Variants in FARP2 observed in about 807,000 individuals in gnomAD.
The protein encoded by FARP2 is FERM, ARHGEF and pleckstrin domain-containing protein 2.
FARP2 carries 111 observed loss-of-function variants against 130.5 expected under a neutral mutation model. The ratio of observed to expected loss-of-function variants is 0.85; its 90% CI spans 0.73 to 1.00. The LOEUF is 1.00. Among genes scored for constraint, FARP2 ranks in the 50% least tolerant of loss-of-function variants. The pLI is 0.00. For missense variants in FARP2, 1,385 were observed against 1,346.3 expected (o/e 1.03, Z -0.45); for synonymous variants, 504 against 516.9 (o/e 0.98, Z 0.34).
chr2:241,379,746 C>T (rs949259473), intron 2 of FARP2, among the ~76,000 whole-genome samples: 2 of 152,136 alleles, frequency 1.3e-5, no homozygotes, highest in Non-Finnish European at 2.9e-5. Context: ...TTGGTCTGAC[C>T]TCAGAAGAAA....
intron 1 of FARP2, among the ~76,000 whole-genome samples, chr2:241,367,971 C>T (rs2061350624): frequency 6.6e-6 from 1 of 151,824 alleles, no homozygotes; most frequent in African/African-American, 2.4e-5. Flanking sequence ...CCCTCCACCC[C>T]CACATACACA....
chr2:241,426,458 G>A (rs985017306), intron 8 of FARP2, among the ~76,000 whole-genome samples: 1 of 152,190 alleles, frequency 6.6e-6, no homozygotes, highest in Non-Finnish European at 1.5e-5. Context: ...AGGAGAGTGT[G>A]GGGAGGGGTA....
In FARP2 at chr2:241,434,197, A is replaced by G; in HGVS notation, c.907A>G (p.Arg303Gly). The G allele has an allele frequency of 1.9e-6, 3 of 1,613,076 alleles. No homozygotes were observed. The highest frequency in any genetic ancestry group is 2.5e-6 in the Non-Finnish European group (3 of 1,179,160). Reference sequence around the variant, plus strand: ...CACATTAGAATTTTTGTTGGGTAGTAGAGATGAATGTAAGAACTTCTGGAA... The same window carrying G: ...CACATTAGAATTTTTGTTGGGTAGTGGAGATGAATGTAAGAACTTCTGGAA... ...QDTLEFLLGS[R>G]DECKNFWKIC... Residue 303 changes from arginine (R) to glycine (G), a missense_variant, in exon 10 of 27, where the codon AGA becomes GGA. Arg to Gly is a moderately radical substitution (Grantham distance 125). Coordinates refer to ENST00000264042, the MANE Select transcript of FARP2 (RefSeq NM_014808.4).
intron 2 of FARP2, among the ~76,000 whole-genome samples, chr2:241,393,734 G>A (rs144700776): frequency 2.0e-5 from 3 of 152,276 alleles, no homozygotes; most frequent in African/African-American, 7.2e-5. Context: ...GAATAAAGAA[G>A]TACTTTGTTA....
intron 13 of FARP2, among the ~76,000 whole-genome samples, chr2:241,448,426 C>T (rs2063565760): frequency 6.6e-6 from 1 of 152,240 alleles, no homozygotes; most frequent in Non-Finnish European, 1.5e-5. Flanking sequence ...ATATTTCTTT[C>T]CTAATCCTAA....
chr2:241,491,492 G>C, intron 23 of FARP2, 24 bp from the exon 24 acceptor site: 1 of 1,612,220 alleles, frequency 6.2e-7, no homozygotes, highest in Non-Finnish European at 8.5e-7. Context: ...GGTTCCCCCT[G>C]AGACGCTGCT....
chr2:241,453,019 T>G (rs2063707169), intron 13 of FARP2, among the ~76,000 whole-genome samples: 1 of 152,002 alleles, frequency 6.6e-6, no homozygotes, highest in South Asian at 2.1e-4. Flanking sequence ...AGTTGACCAT[T>G]TTTTGTTAAA....
chr2:241,453,286 T>G (rs998820654), intron 13 of FARP2, among the ~76,000 whole-genome samples: 1 of 151,690 alleles, frequency 6.6e-6, no homozygotes, highest in Non-Finnish European at 1.5e-5. Context: ...GCCGAGATCG[T>G]GCTACTGCAC....
chr2:241,417,438 T>C (rs995466204), intron 7 of FARP2, among the ~76,000 whole-genome samples: 3 of 152,212 alleles, frequency 2.0e-5, no homozygotes, highest in Non-Finnish European at 4.4e-5. Flanking sequence ...CAGGCTGAAG[T>C]GCAGTGGCAT....
intron 13 of FARP2, among the ~76,000 whole-genome samples, chr2:241,452,381 C>T (rs1255125989): frequency 6.6e-6 from 1 of 151,910 alleles, no homozygotes; most frequent in Non-Finnish European, 1.5e-5. Context: ...ACACATTCAT[C>T]GCCAGTTGCT....
chr2:241,423,730 A>G (rs540551455), intron 8 of FARP2, among the ~76,000 whole-genome samples: 4 of 152,350 alleles, frequency 2.6e-5, no homozygotes, highest in East Asian at 1.9e-4. Flanking sequence ...CTCACGTGCA[A>G]AGACACACAT....
rs116683081 is a variant in FARP2 at position 241,487,262 on chromosome 2, T to C, written c.2422-2700T>C. Among the ~76,000 whole-genome samples, 524 of 152,326 alleles carry C rather than the reference T, an allele frequency of 3.4e-3. 1 individual carries two copies. The highest frequency in any genetic ancestry group is 5.6e-3 in the Non-Finnish European group (381 of 68,026). On this transcript the variant is annotated intron_variant, in intron 21 of 26. Coordinates refer to ENST00000264042, the MANE Select transcript of FARP2 (RefSeq NM_014808.4). ...TTACTCTAGAATGGCATCTGGCACA[T>C]ATAGGGAACCCAGCAAATGCTTGTT...
At chr2:241,481,936 T>C (rs965533677) in intron 19 of FARP2, among the ~76,000 whole-genome samples, 3 of 152,220 alleles carry the variant, frequency 2.0e-5, no homozygotes, top group Non-Finnish European at 4.4e-5. Context: ...GGGCCTTGCA[T>C]GAAGTAGATG....
chr2:241,480,874 C>A (rs1339504387), intron 19 of FARP2, among the ~76,000 whole-genome samples: 1 of 151,930 alleles, frequency 6.6e-6, no homozygotes, highest in Non-Finnish European at 1.5e-5. Context: ...ATGTGGAGGT[C>A]CAGTTTTCCC....
At chr2:241,407,051 G>C (rs964430484) in intron 4 of FARP2, among the ~76,000 whole-genome samples, 8 of 150,254 alleles carry the variant, frequency 5.3e-5, no homozygotes, top group African/African-American at 1.5e-4. Flanking sequence ...CTTGTGATCC[G>C]CCCCCCTCAG....
intron 1 of FARP2, among the ~76,000 whole-genome samples, chr2:241,362,552 A>G (rs77929081): frequency 0.014 from 2,174 of 152,270 alleles, 113 homozygotes; most frequent in Admixed American, 0.092. Flanking sequence ...CAGTGAGGCG[A>G]GATTGCGCCA....
chr2:241,415,256 T>C (rs1324603211), intron 7 of FARP2, among the ~76,000 whole-genome samples: 1 of 152,156 alleles, frequency 6.6e-6, no homozygotes, highest in Admixed American at 6.5e-5. Flanking sequence ...CTCTTTCAAG[T>C]GTTGCCATTA....
rs548943197 is a variant in FARP2, at chr2:241,376,969, A to G, written c.183+3679A>G. Among the ~76,000 whole-genome samples, 4 of 152,338 alleles carry G rather than the reference A, an allele frequency of 2.6e-5. No homozygotes were observed. The South Asian group carries it at 8.3e-4, about 32-fold the overall frequency. Reference sequence around the variant, plus strand: ...GGGCCTTGCTGAGTAAACGTGTTAAATGAATGAAATCGAAAGTTAGATTTG... The same window carrying G: ...GGGCCTTGCTGAGTAAACGTGTTAAGTGAATGAAATCGAAAGTTAGATTTG... On this transcript the variant is annotated intron_variant, in intron 2 of 26. Transcript: ENST00000264042.
intron 2 of FARP2, among the ~76,000 whole-genome samples, chr2:241,402,838 A>G (rs11678364): frequency 1.0e-4 from 1 of 9,834 alleles, no homozygotes; most frequent in South Asian, 4.5e-3. Context: ...CAGCTAATTT[A>G]TATATATATA....
Sources: allele counts gnomAD v4.1 joint callset (sites outside exome capture counted in the v4.1 genomes callset), GRCh38; gene constraint gnomAD v4.1.1; transcripts MANE v1.5; gene names NCBI Gene and HGNC (gene_info 2026-07-23, HGNC 2026-07-21).